Variants in PRKCE observed in about 807,000 individuals in gnomAD.
The protein encoded by PRKCE is protein kinase C epsilon type.
A neutral mutation model predicts 85.4 loss-of-function variants in PRKCE; 16 were observed. The observed-to-expected ratio is 0.19, with a 90% CI of 0.13 to 0.28. PRKCE has a LOEUF of 0.28. Among genes scored for constraint, PRKCE ranks in the 10% least tolerant of loss-of-function variants. The pLI, the probability that PRKCE is intolerant of heterozygous loss-of-function variation, is 1.00. For synonymous variants in PRKCE, 388 were observed against 371.5 expected (o/e 1.04, Z -0.51); for missense variants, 573 against 975.2 (o/e 0.59, Z 5.49).
intron 2 of PRKCE, among the ~76,000 whole-genome samples, chr2:45,884,970 T>TAC (rs1695146156): frequency 1.6e-5 from 1 of 61,670 alleles, no homozygotes; most frequent in African/African-American, 4.8e-5. Context: ...TATATATATA[T>TAC]ATATATATAT....
chr2:46,152,268 T>A (rs974699684), intron 13 of PRKCE, among the ~76,000 whole-genome samples: 2 of 151,470 alleles, frequency 1.3e-5, no homozygotes, highest in Admixed American at 6.6e-5. Context: ...TGCAATCTCC[T>A]CCTCCCAGGT....
chr2:45,783,247 A>G (rs1686336595), intron 1 of PRKCE, among the ~76,000 whole-genome samples: 1 of 152,192 alleles, frequency 6.6e-6, no homozygotes, highest in Admixed American at 6.5e-5. Flanking sequence ...CTGGTTGCAG[A>G]GGCCAAATAC....
intron 10 of PRKCE, among the ~76,000 whole-genome samples, chr2:46,075,030 C>T (rs1348492313): frequency 2.0e-5 from 3 of 152,148 alleles, no homozygotes; most frequent in Non-Finnish European, 4.4e-5. Flanking sequence ...CATTTCTATG[C>T]TCAAAAATCT....
At chr2:46,093,622 G>A (rs1670400164) in intron 11 of PRKCE, among the ~76,000 whole-genome samples, 1 of 150,830 alleles carries the variant, frequency 6.6e-6, no homozygotes, top group Non-Finnish European at 1.5e-5. Context: ...TGGAACTCCT[G>A]GATTTGAGCA....
intron 2 of PRKCE, among the ~76,000 whole-genome samples, chr2:45,918,772 G>T (rs573447618): frequency 2.6e-5 from 4 of 152,218 alleles, no homozygotes; most frequent in African/African-American, 4.8e-5. Context: ...GGTTGGCGAG[G>T]GGGGGAATGG....
intron 1 of PRKCE, among the ~76,000 whole-genome samples, chr2:45,725,746 G>A (rs932088652): frequency 1.3e-5 from 2 of 151,696 alleles, no homozygotes; most frequent in South Asian, 2.1e-4. Context: ...CAGGATGATC[G>A]CTTGAACCCG....
chr2:46,057,034 G>A (rs1293050473), intron 10 of PRKCE, among the ~76,000 whole-genome samples: 2 of 152,126 alleles, frequency 1.3e-5, no homozygotes, highest in African/African-American at 4.8e-5. Flanking sequence ...CTGAGGGCTG[G>A]CTGGGCATCT....
At position 46,085,629 on chromosome 2, in the gene PRKCE, A is replaced by G. The variant is rs913190608; in HGVS notation, c.1438-579A>G. ...TCCTCCCTGACTCAGGTCTTCCTCT[A>G]CCTGCCTCTTATAAGGACACTTATG... is the stretch of plus-strand genomic sequence containing the variant. On this transcript the variant is annotated intron_variant, in intron 10 of 14. Transcript: ENST00000306156. 4.3e-5 allele frequency among the ~76,000 whole-genome samples: 5 copies of G among 115,824 alleles called. 1 individual carries two copies. Among genetic ancestry groups the G allele is most frequent in the African/African-American group, 1.4e-4 (4 of 29,348 alleles). 76.0% of individuals were successfully genotyped at this position (115,824 alleles called of 152,430 possible). A position where few individuals can be genotyped will look rare whatever the true frequency, so the allele number is the denominator to read the frequency against.
chr2:45,869,522 T>C (rs1171614059), intron 2 of PRKCE, among the ~76,000 whole-genome samples: 1 of 152,044 alleles, frequency 6.6e-6, no homozygotes, highest in Non-Finnish European at 1.5e-5. Flanking sequence ...ATGCTACCTG[T>C]TTTTTCCCCT....
chr2:45,945,818 A>C (rs1276157309), intron 2 of PRKCE, among the ~76,000 whole-genome samples: 1 of 152,264 alleles, frequency 6.6e-6, no homozygotes, highest in Admixed American at 6.5e-5. Flanking sequence ...ACCCCTTGAC[A>C]GAAAAGAATG....
intron 10 of PRKCE, among the ~76,000 whole-genome samples, chr2:46,085,736 G>GTTTTTTTTTTTTTT (rs1170933914): frequency 2.9e-5 from 3 of 104,574 alleles, no homozygotes; most frequent in Admixed American, 9.7e-5. Context: ...TGCAAAATCC[G>GTTTTTTTTTTTTTT]TTTTTTTTTT....
intron 1 of PRKCE, among the ~76,000 whole-genome samples, chr2:45,751,809 ATTTTTTTTTTTTTTT>A (rs34589907): frequency 1.3e-5 from 1 of 78,506 alleles, no homozygotes; most frequent in Admixed American, 1.6e-4. Context: ...GCTAACCACT[ATTTTTTTTTTTTTTT>A]TTTTTTTTTT....
In PRKCE at chr2:46,001,637, A is replaced by C; in HGVS notation, c.966+91A>C. The C allele has an allele frequency of 1.4e-6, 2 of 1,410,304 alleles. No homozygotes were observed. The highest frequency in any genetic ancestry group is 2.5e-5 in the East Asian group (1 of 39,380). The allele number at this position is 1,410,304 out of a possible 1,614,324, so 87.4% of individuals were successfully genotyped here. A position where few individuals can be genotyped will look rare whatever the true frequency, so the allele number is the denominator to read the frequency against. ...GAGGGTGCTCTGGAGTGAGGTAATA[A>C]GATTCCTGGGTTTGAGGTATTTTAC... On this transcript the variant is annotated intron_variant, in intron 7 of 14. Transcript: ENST00000306156. The surrounding 1 kb of genome is among the most constrained non-coding windows in gnomAD (Gnocchi z 4.4).
rs1403715660 is a variant in PRKCE at position 45,830,067 on chromosome 2, C to T, written c.349-12933C>T. Among the ~76,000 whole-genome samples, 91 of 84,056 alleles carry T rather than the reference C, an allele frequency of 1.1e-3. 1 individual carries two copies. The highest frequency in any genetic ancestry group is 3.5e-3 in the African/African-American group (70 of 20,234). 55.1% of individuals were successfully genotyped at this position (84,056 alleles called of 152,430 possible). On this transcript the variant is annotated intron_variant, in intron 1 of 14. Transcript: ENST00000306156. Reference sequence around the variant, plus strand: ...CAGCCTGGGCGACAGAGCGAGACTCCGTCTCAAAAAAAAAAAAAAAAAAAA... The same window carrying T: ...CAGCCTGGGCGACAGAGCGAGACTCTGTCTCAAAAAAAAAAAAAAAAAAAA...
In PRKCE at chr2:45,907,188, G is replaced by C. The variant is rs76088250; in HGVS notation, c.412+64125G>C. ...CAGGCCAGTGATGGAAAGAAAGCCC[G>C]AGAGAAGAGAAAAATGAAGCTTTAA... On this transcript the variant is annotated intron_variant, in intron 2 of 14. Coordinates refer to ENST00000306156, the MANE Select transcript of PRKCE (RefSeq NM_005400.3). The surrounding 1 kb of genome is among the most constrained non-coding windows in gnomAD (Gnocchi z 4.5). 6.6e-6 allele frequency among the ~76,000 whole-genome samples: 1 copy of C among 152,182 alleles called. No homozygotes were observed. Among genetic ancestry groups the C allele is most frequent in the African/African-American group, 2.4e-5 (1 of 41,442 alleles).
At chr2:45,830,601 T>C (rs1308793291) in intron 1 of PRKCE, among the ~76,000 whole-genome samples, 1 of 151,542 alleles carries the variant, frequency 6.6e-6, no homozygotes, top group Non-Finnish European at 1.5e-5. Flanking sequence ...AATAGAAGAG[T>C]ATCTCCCACA....
rs1373816643 is a variant in PRKCE at position 45,858,295 on chromosome 2, C to A, written c.412+15232C>A. Among the ~76,000 whole-genome samples, 3 of 152,324 alleles carry A rather than the reference C, an allele frequency of 2.0e-5. No individual in the cohort carries two copies. In the East Asian group the frequency reaches 5.8e-4, roughly 29 times the overall value. On this transcript the variant is annotated intron_variant, in intron 2 of 14. Coordinates refer to ENST00000306156, the MANE Select transcript of PRKCE (RefSeq NM_005400.3). ...TTAATTTTTTTAAACATAAATCAAA[C>A]CAGCGTCTTTTGGATTTAACATTCA...
chr2:45,791,184 G>A (rs533863773), intron 1 of PRKCE, among the ~76,000 whole-genome samples: 76 of 152,332 alleles, frequency 5.0e-4, no homozygotes, highest in African/African-American at 1.7e-3. Flanking sequence ...GTGCCCTGCT[G>A]AACCTCCTCA....
At chr2:46,131,048 A>C in intron 11 of PRKCE, among the ~76,000 whole-genome samples, 1 of 152,238 alleles carries the variant, frequency 6.6e-6, no homozygotes, top group African/African-American at 2.4e-5. Flanking sequence ...ATCTATGGCC[A>C]AACAACCTGC....
Sources: gnomAD v4.1 joint callset for allele counts (sites outside exome capture counted in the v4.1 genomes callset) on GRCh38, gnomAD v4.1.1 for gene constraint, Gnocchi (gnomAD v3.1) non-coding constraint, MANE v1.5 for transcripts, NCBI Gene and HGNC (gene_info 2026-07-23, HGNC 2026-07-21) for gene names.